Variants in APP observed in about 807,000 individuals in gnomAD.
The protein encoded by APP is amyloid beta precursor protein.
In APP, 31 loss-of-function variants were observed where a neutral mutation model predicts 101.4. That is an observed-to-expected ratio of 0.31 (90% CI 0.23 to 0.41). The LOEUF is 0.41. Among genes scored for constraint, APP ranks in the 10% least tolerant of loss-of-function variants. APP has a pLI of 1.00. For missense variants in APP, 839 were observed against 1,003.7 expected, an observed-to-expected ratio of 0.84 and a Z score of 2.22; for synonymous variants, 366 against 364.4, an observed-to-expected ratio of 1.00 and a Z score of -0.05.
chr21:25,890,902 A>G (rs1601292461), intron 17 of APP, among the ~76,000 whole-genome samples: 5 of 152,234 alleles, frequency 3.3e-5, no homozygotes, highest in Admixed American at 3.3e-4. Context: ...AACTCTTAAA[A>G]TATCGCAATT....
intron 3 of APP, among the ~76,000 whole-genome samples, chr21:26,060,879 G>A (rs987783857): frequency 1.3e-5 from 2 of 152,198 alleles, no homozygotes; most frequent in African/African-American, 4.8e-5. Flanking sequence ...AGATCAGTGG[G>A]CAAGCGAGTG....
rs369696724 is a variant in APP at position 26,166,440 on chromosome 21, T to C, written c.57+4124A>G. On this transcript the variant is annotated intron_variant, in intron 1 of 17. Transcript: ENST00000346798. ...CATACATTTGCATCTGAGCTCTCAC[T>C]ATGAAAAGGAAAAGATTTTTTTATT... Among the ~76,000 whole-genome samples the C allele has an allele frequency of 2.8e-4, 42 of 152,270 alleles. No homozygotes were observed. The South Asian group carries it at 5.8e-3, about 21-fold the overall frequency.
At chr21:25,928,535 A>C (rs2040001356) in intron 13 of APP, among the ~76,000 whole-genome samples, 1 of 152,160 alleles carries the variant, frequency 6.6e-6, no homozygotes, top group South Asian at 2.1e-4. Flanking sequence ...TTCCTTTAAA[A>C]ATTTTTAAAT....
intron 6 of APP, among the ~76,000 whole-genome samples, chr21:26,014,915 A>T (rs1220946350): frequency 6.6e-6 from 1 of 152,252 alleles, no homozygotes; most frequent in Non-Finnish European, 1.5e-5. Context: ...ACTTAACAGA[A>T]GAACTCCCAC....
chr21:26,020,403 A>C (rs919500329), intron 6 of APP, among the ~76,000 whole-genome samples: 2 of 152,208 alleles, frequency 1.3e-5, no homozygotes, highest in Non-Finnish European at 2.9e-5. Flanking sequence ...GCTGAATTAT[A>C]TACTTAAAAG....
intron 3 of APP, among the ~76,000 whole-genome samples, chr21:26,054,168 TAAGGA>T (rs2045945622): frequency 6.6e-6 from 1 of 152,156 alleles, no homozygotes; most frequent in South Asian, 2.1e-4. Context: ...GTAATAGAGA[TAAGGA>T]AAGTGTCAGG....
chr21:25,954,761 T>A, intron 12 of APP, 72 bp from the exon 13 acceptor site: 1 of 1,366,794 alleles, frequency 7.3e-7, no homozygotes, highest in East Asian at 2.4e-5. Context: ...TTTCTTTTTT[T>A]CTTTTTTTTT....
At chr21:26,078,520 A>C (rs1001656323) in intron 3 of APP, among the ~76,000 whole-genome samples, 1 of 152,222 alleles carries the variant, frequency 6.6e-6, no homozygotes, top group Non-Finnish European at 1.5e-5. Flanking sequence ...AGTTAATGCC[A>C]TTATTTTATG....
chr21:26,063,269 T>C (rs1222629983), intron 3 of APP, among the ~76,000 whole-genome samples: 2 of 152,194 alleles, frequency 1.3e-5, no homozygotes, highest in Non-Finnish European at 1.5e-5. Flanking sequence ...TAAATACAAC[T>C]AGTTAGCTAT....
chr21:25,920,314 A>G (rs1309872827), intron 13 of APP, among the ~76,000 whole-genome samples: 1 of 152,298 alleles, frequency 6.6e-6, no homozygotes, highest in African/African-American at 2.4e-5. Context: ...AAGAAACTGC[A>G]TCAACTAATG....
chr21:25,980,457 C>G lies in APP; in HGVS notation c.1224+1887G>C, dbSNP rs561715051. Among the ~76,000 whole-genome samples the G allele has an allele frequency of 2.6e-5, 4 of 152,206 alleles. No homozygotes were observed. The South Asian group carries it at 8.3e-4, about 32-fold the overall frequency. ...GCCTGTGTCTTTCCTAAGGAAAGAT[C>G]TGATTTTCTTGGCATCAGGTGAAAA... On this transcript the variant is annotated intron_variant, in intron 9 of 17. Coordinates refer to ENST00000346798, the MANE Select transcript of APP (RefSeq NM_000484.4).
intron 6 of APP, 99 bp downstream of exon 6, chr21:26,021,741 A>G: frequency 6.7e-7 from 1 of 1,484,998 alleles, no homozygotes; most frequent in South Asian, 1.2e-5. Flanking sequence ...CATGTTTTTG[A>G]TTGGGGAAGG....
intron 1 of APP, among the ~76,000 whole-genome samples, chr21:26,155,320 A>G (rs2063352779): frequency 6.6e-6 from 1 of 152,234 alleles, no homozygotes; most frequent in South Asian, 2.1e-4. Flanking sequence ...GAACATTTTG[A>G]AGACATAATA....
intron 6 of APP, among the ~76,000 whole-genome samples, 196 bp downstream of exon 6, chr21:26,021,644 A>AT (rs2044341791): frequency 6.6e-6 from 1 of 152,238 alleles, no homozygotes; most frequent in Non-Finnish European, 1.5e-5. Flanking sequence ...AACAAACTGT[A>AT]TAATAAAGAT....
At chr21:25,911,326 C>T (rs939479730) in intron 14 of APP, among the ~76,000 whole-genome samples, 5 of 152,172 alleles carry the variant, frequency 3.3e-5, no homozygotes, top group African/African-American at 1.2e-4. Flanking sequence ...TTCAATAATA[C>T]ACTGTGGCTC....
intron 11 of APP, among the ~76,000 whole-genome samples, chr21:25,959,593 G>GT (rs1252444463): frequency 6.6e-6 from 1 of 152,216 alleles, no homozygotes; most frequent in Non-Finnish European, 1.5e-5. Flanking sequence ...TGTGCAGAAG[G>GT]TTCAGATTTA....
intron 13 of APP, among the ~76,000 whole-genome samples, chr21:25,947,301 C>T (rs916564813): frequency 3.3e-4 from 5 of 15,232 alleles, no homozygotes; most frequent in African/African-American, 1.4e-3. Context: ...AAGCACTCTA[C>T]TAACCACCAC....
At chr21:26,109,861 T>C (rs1173193179) in intron 2 of APP, among the ~76,000 whole-genome samples, 1 of 152,214 alleles carries the variant, frequency 6.6e-6, no homozygotes, top group Non-Finnish European at 1.5e-5. Flanking sequence ...ATTTGGTCAA[T>C]GTCATAAACT....
intron 1 of APP, among the ~76,000 whole-genome samples, chr21:26,144,241 G>A (rs1028477539): frequency 6.6e-5 from 10 of 152,116 alleles, no homozygotes; most frequent in African/African-American, 9.7e-5. Flanking sequence ...TGGGGATTAT[G>A]GGGACTACAA....
Sources: gnomAD v4.1 joint callset for allele counts (sites outside exome capture counted in the v4.1 genomes callset) on GRCh38, gnomAD v4.1.1 for gene constraint, MANE v1.5 for transcripts, NCBI Gene and HGNC (gene_info 2026-07-23, HGNC 2026-07-21) for gene names.